FCHSD2: variants seen among roughly 807,000 people sequenced by gnomAD.
FCHSD2 encodes the protein FCH and double SH3 domains 2, also known as F-BAR and double SH3 domains protein 2.
A neutral mutation model predicts 108.1 loss-of-function variants in FCHSD2; 38 were observed. The observed-to-expected ratio is 0.35, with a 90% confidence interval of 0.27 to 0.46. FCHSD2 has a LOEUF of 0.46. Ranked by LOEUF, FCHSD2 falls within the 20% of genes least tolerant of loss-of-function variation. FCHSD2 has a pLI of 1.00. For synonymous variants in FCHSD2, 279 were observed against 314.7 expected (o/e 0.89, Z 1.20); for missense variants, 751 against 897.8 (o/e 0.84, Z 2.09).
intron 3 of FCHSD2, among the ~76,000 whole-genome samples, chr11:73,078,884 AT>A (rs1016077474): frequency 6.6e-5 from 10 of 151,678 alleles, no homozygotes; most frequent in African/African-American, 1.9e-4. Context: ...CGCCTGGCTA[AT>A]TTTTTTTTAT....
intron 2 of FCHSD2, among the ~76,000 whole-genome samples, chr11:73,093,705 G>A (rs1159237798): frequency 2.0e-5 from 3 of 151,926 alleles, no homozygotes; most frequent in Non-Finnish European, 4.4e-5. Flanking sequence ...GGGTTCAAGC[G>A]ATTCTCCTGC....
At chr11:73,141,188 C>A (rs1861238142) in intron 1 of FCHSD2, 1 of 152,508 alleles carries the variant, frequency 6.6e-6, no homozygotes. Context: ...CCCTGGTCAT[C>A]CAACCCCGGA....
chr11:73,048,761 G>A (rs1263930750), intron 3 of FCHSD2, among the ~76,000 whole-genome samples: 1 of 152,152 alleles, frequency 6.6e-6, no homozygotes, highest in African/African-American at 2.4e-5. Context: ...TCTAAAATCA[G>A]TAAGACAGGG....
chr11:72,843,009 GGA>G (rs1861009279), intron 16 of FCHSD2, 140 bp downstream of exon 16: 2 of 928,568 alleles, frequency 2.2e-6, no homozygotes, highest in East Asian at 5.2e-5. Context: ...CTACTGTGCA[GGA>G]CAAACGTGAC....
At chr11:73,124,734 C>T (rs1243335875) in intron 2 of FCHSD2, among the ~76,000 whole-genome samples, 1 of 149,132 alleles carries the variant, frequency 6.7e-6, no homozygotes. Flanking sequence ...CCAGCCTGGG[C>T]AACAGAGTGA....
chr11:72,917,196 G>A (rs1280425338), intron 9 of FCHSD2, among the ~76,000 whole-genome samples: 3 of 152,028 alleles, frequency 2.0e-5, no homozygotes, highest in Admixed American at 6.6e-5. Context: ...TATTGGCCAG[G>A]CTGGTCTTGA....
chr11:72,897,785 T>C (rs1386403793), intron 10 of FCHSD2, among the ~76,000 whole-genome samples: 1 of 152,204 alleles, frequency 6.6e-6, no homozygotes, highest in Non-Finnish European at 1.5e-5. Context: ...TGTTTGTCAG[T>C]TCTCTCTCAC....
rs909235479 is a variant in FCHSD2 at position 72,841,546 on chromosome 11, G to A, written c.1964C>T (p.Pro655Leu). The change falls in exon 18 of 20, where the codon CCA (proline) becomes CTA (leucine). Residue 655 changes from proline (P) to leucine (L), a missense_variant. Coordinates refer to ENST00000409418, the MANE Select transcript of FCHSD2 (RefSeq NM_014824.3). ...PSPKPHASLP[P>L]LPLYDQPPSS... ...GGGAGGCTGGTCGTACAACGGCAGT[G>A]GAGGCAGGGAGGCGTGTGGCTTGGG... The A allele has an allele frequency of 5.6e-6, 9 of 1,610,542 alleles. No homozygotes were observed. In the African/African-American group the frequency reaches 9.4e-5, roughly 17 times the overall value.
chr11:73,115,793 C>T (rs1455634797), intron 2 of FCHSD2, among the ~76,000 whole-genome samples: 1 of 152,220 alleles, frequency 6.6e-6, no homozygotes, highest in African/African-American at 2.4e-5. Context: ...CAGTTTTGTT[C>T]CTAAGGCCTT....
intron 4 of FCHSD2, among the ~76,000 whole-genome samples, chr11:73,014,200 T>G (rs1198875807): frequency 2.1e-5 from 3 of 143,660 alleles, no homozygotes; most frequent in African/African-American, 2.6e-5. Context: ...GGTGCATTCA[T>G]AGCTCACTGC....
At chr11:72,879,845 C>T (rs1398907163) in intron 12 of FCHSD2, among the ~76,000 whole-genome samples, 1 of 151,500 alleles carries the variant, frequency 6.6e-6, no homozygotes, top group Admixed American at 6.6e-5. Flanking sequence ...TATATCAAGG[C>T]ATAATGGGCC....
At chr11:72,940,457 A>G (rs1469803059) in intron 8 of FCHSD2, 2 of 660,002 alleles carry the variant, frequency 3.0e-6, no homozygotes, top group Non-Finnish European at 5.4e-6. Flanking sequence ...TAAATAAGCT[A>G]TTTTCCTTTC....
chr11:72,874,529 T>C (rs1854927071), intron 12 of FCHSD2, among the ~76,000 whole-genome samples: 2 of 152,218 alleles, frequency 1.3e-5, no homozygotes, highest in Non-Finnish European at 2.9e-5. Flanking sequence ...TTTTTATTTT[T>C]GTTTTTTAAA....
chr11:72,846,073 T>C (rs1565284868), intron 14 of FCHSD2, among the ~76,000 whole-genome samples: 1 of 870 alleles, frequency 1.1e-3, no homozygotes, highest in Admixed American at 0.026. Flanking sequence ...GATAGATAGA[T>C]AGATAGATAG....
chr11:73,081,534 A>AT (rs1156400537), intron 3 of FCHSD2, among the ~76,000 whole-genome samples: 83 of 148,258 alleles, frequency 5.6e-4, no homozygotes, highest in South Asian at 1.3e-3. Context: ...CTTTTTTTCT[A>AT]TTTTTTTTTT....
At chr11:73,083,261 AAG>A (rs1375599895) in intron 3 of FCHSD2, among the ~76,000 whole-genome samples, 2 of 152,160 alleles carry the variant, frequency 1.3e-5, no homozygotes, top group Admixed American at 6.6e-5. Context: ...CAGAAATAAC[AAG>A]AAAAGGGCTG....
chr11:73,061,045 T>C (rs1859147445), intron 3 of FCHSD2, among the ~76,000 whole-genome samples: 1 of 152,254 alleles, frequency 6.6e-6, no homozygotes, highest in Non-Finnish European at 1.5e-5. Flanking sequence ...GGAACAGCTC[T>C]GGTCTGCAGC....
chr11:72,932,642 C>T, intron 8 of FCHSD2, among the ~76,000 whole-genome samples: 1 of 152,206 alleles, frequency 6.6e-6, no homozygotes, highest in Admixed American at 6.5e-5. Context: ...AGTCTCTTCA[C>T]TTAATCATCT....
At chr11:72,937,934 C>A (rs1312774061) in intron 8 of FCHSD2, among the ~76,000 whole-genome samples, 1 of 152,104 alleles carries the variant, frequency 6.6e-6, no homozygotes, top group Non-Finnish European at 1.5e-5. Context: ...ACTGATGTAG[C>A]TGTTAATATA....
Sources: gnomAD v4.1 joint callset for allele counts (sites outside exome capture counted in the v4.1 genomes callset) on GRCh38, gnomAD v4.1.1 for gene constraint, MANE v1.5 for transcripts, NCBI Gene and HGNC (gene_info 2026-07-23, HGNC 2026-07-21) for gene names.